Variants in ERBB4 observed in about 807,000 individuals in gnomAD.
ERBB4 encodes the protein erb-b2 receptor tyrosine kinase 4.
Under a neutral mutation model 158.0 loss-of-function variants are expected in ERBB4, and 42 were observed. That is an observed-to-expected ratio of 0.27 (90% confidence interval 0.21 to 0.34). The LOEUF is 0.34. Among genes scored for constraint, ERBB4 ranks in the 10% least tolerant of loss-of-function variants. ERBB4 has a pLI of 1.00. For synonymous variants in ERBB4, 583 were observed against 558.7 expected (o/e 1.04, Z -0.61); for missense variants, 1,333 against 1,624.1 (o/e 0.82, Z 3.08).
intron 19 of ERBB4, among the ~76,000 whole-genome samples, chr2:211,566,306 C>T (rs1226736586): frequency 6.6e-6 from 1 of 152,302 alleles, no homozygotes; most frequent in Admixed American, 6.5e-5. Context: ...GGGATCAGAA[C>T]TGGTAAGAAC....
At position 211,665,263 on chromosome 2, in the gene ERBB4, G is replaced by A. The variant is rs11902109; in HGVS notation, c.1871+60C>T. On this transcript the variant is annotated intron_variant, in intron 15 of 27. Coordinates refer to ENST00000342788, the MANE Select transcript of ERBB4 (RefSeq NM_005235.3). Reference sequence around the variant, plus strand: ...TATACATTTCAGAGATGGTACCAGGGATAAAGATACATGTGGATAACACAT... The same window carrying A: ...TATACATTTCAGAGATGGTACCAGGAATAAAGATACATGTGGATAACACAT... 4.1e-3 allele frequency: 6,239 copies of A among 1,523,926 alleles called. 225 individuals carry two copies. In the African/African-American group the frequency reaches 0.077, roughly 19 times the overall value. 94.4% of individuals were successfully genotyped at this position (1,523,926 alleles called of 1,614,324 possible).
intron 1 of ERBB4, among the ~76,000 whole-genome samples, chr2:212,316,751 CACTT>C (rs1490667168): frequency 3.3e-5 from 5 of 151,486 alleles, no homozygotes; most frequent in Non-Finnish European, 7.4e-5. Context: ...GGTTAAAAAA[CACTT>C]GCTTGTGATG....
chr2:212,244,550 A>G (rs1256863080), intron 1 of ERBB4, among the ~76,000 whole-genome samples: 2 of 152,146 alleles, frequency 1.3e-5, no homozygotes, highest in African/African-American at 4.8e-5. Context: ...ATTTTCGAGC[A>G]CTTATATAAA....
At chr2:211,844,206 T>C (rs1487501385) in intron 3 of ERBB4, among the ~76,000 whole-genome samples, 5 of 152,148 alleles carry the variant, frequency 3.3e-5, no homozygotes, top group Middle Eastern at 3.2e-3. Context: ...TTAATCACAA[T>C]AGTTATTTTA....
At chr2:211,804,774 T>G (rs2076576725) in intron 3 of ERBB4, among the ~76,000 whole-genome samples, 1 of 152,154 alleles carries the variant, frequency 6.6e-6, no homozygotes, top group Non-Finnish European at 1.5e-5. Flanking sequence ...CTCCATCTCT[T>G]AGGATTTCTG....
intron 3 of ERBB4, among the ~76,000 whole-genome samples, chr2:211,861,168 GTTT>G (rs1209589170): frequency 0.027 from 509 of 18,684 alleles, 37 homozygotes; most frequent in African/African-American, 0.099. Flanking sequence ...AAAAAAAGTA[GTTT>G]TTTTTTTTTT....
chr2:212,452,102 T>C (rs2204853), intron 1 of ERBB4, among the ~76,000 whole-genome samples: 25,124 of 151,468 alleles, frequency 0.17, 2,340 homozygotes, highest in African/African-American at 0.24. Flanking sequence ...AAAAATGTCA[T>C]GAGTAGAGCA....
intron 1 of ERBB4, among the ~76,000 whole-genome samples, chr2:212,175,927 T>C (rs1297704174): frequency 1.3e-5 from 2 of 151,972 alleles, no homozygotes; most frequent in East Asian, 1.9e-4. Flanking sequence ...CTAAGACCAA[T>C]TGCAAGTCAA....
chr2:211,878,191 C>T (rs2078562703), intron 3 of ERBB4, among the ~76,000 whole-genome samples: 1 of 152,122 alleles, frequency 6.6e-6, no homozygotes. Context: ...TAAAATCTTC[C>T]ATCGAAATTT....
intron 20 of ERBB4, among the ~76,000 whole-genome samples, chr2:211,512,634 T>G (rs1042971005): frequency 6.6e-6 from 1 of 152,246 alleles, no homozygotes; most frequent in South Asian, 2.1e-4. Flanking sequence ...ATTTTCTTAA[T>G]AGTAGGCAAA....
intron 3 of ERBB4, among the ~76,000 whole-genome samples, chr2:211,942,488 C>G (rs1166502287): frequency 6.6e-6 from 1 of 152,016 alleles, no homozygotes; most frequent in Admixed American, 6.6e-5. Context: ...TCCTGAGCAG[C>G]TGGGACCGCA....
At chr2:211,471,271 A>G (rs185718265) in intron 20 of ERBB4, among the ~76,000 whole-genome samples, 3 of 152,234 alleles carry the variant, frequency 2.0e-5, no homozygotes, top group Admixed American at 2.0e-4. Flanking sequence ...GCCTCAGATG[A>G]TATCACCTGG....
At chr2:211,551,552 C>T (rs1374638404) in intron 20 of ERBB4, among the ~76,000 whole-genome samples, 1 of 152,124 alleles carries the variant, frequency 6.6e-6, no homozygotes, top group Non-Finnish European at 1.5e-5. Flanking sequence ...AACTTCCAAA[C>T]AGTATTAAAT....
At chr2:212,085,057 A>G (rs528305700) in intron 2 of ERBB4, among the ~76,000 whole-genome samples, 1 of 152,082 alleles carries the variant, frequency 6.6e-6, no homozygotes, top group South Asian at 2.1e-4. Context: ...TGAATACAAA[A>G]TAAACATGCA....
At chr2:212,211,629 A>AAAAAAAAAAAAAACC (rs148929858) in intron 1 of ERBB4, among the ~76,000 whole-genome samples, 1 of 148,494 alleles carries the variant, frequency 6.7e-6, no homozygotes, top group Non-Finnish European at 1.5e-5. Context: ...AAAAAAAAAA[A>AAAAAAAAAAAAAACC]TGGATACATG....
intron 1 of ERBB4, among the ~76,000 whole-genome samples, chr2:212,533,284 T>C (rs1036172312): frequency 2.0e-5 from 3 of 152,228 alleles, no homozygotes; most frequent in Non-Finnish European, 4.4e-5. Flanking sequence ...AGATTACATC[T>C]ATAAAAACAA....
At chr2:212,394,664 T>A (rs1286216343) in intron 1 of ERBB4, among the ~76,000 whole-genome samples, 1 of 152,154 alleles carries the variant, frequency 6.6e-6, no homozygotes, top group Non-Finnish European at 1.5e-5. Flanking sequence ...GCTTATTTCA[T>A]GTGTTTCCAT....
intron 3 of ERBB4, among the ~76,000 whole-genome samples, chr2:211,906,395 C>T (rs1026142144): frequency 6.6e-6 from 1 of 151,936 alleles, no homozygotes; most frequent in Non-Finnish European, 1.5e-5. Flanking sequence ...AGAAATGGAA[C>T]GAACTATAGA....
At chr2:211,823,012 T>G (rs2077027122) in intron 3 of ERBB4, among the ~76,000 whole-genome samples, 1 of 152,126 alleles carries the variant, frequency 6.6e-6, no homozygotes, top group Non-Finnish European at 1.5e-5. Flanking sequence ...CTGTTACAAC[T>G]GTTAGCCCTT....
Sources: allele counts gnomAD v4.1 joint callset (sites outside exome capture counted in the v4.1 genomes callset), GRCh38; gene constraint gnomAD v4.1.1; transcripts MANE v1.5; gene names NCBI Gene and HGNC (gene_info 2026-07-23, HGNC 2026-07-21).